Variants in PSAP observed in about 807,000 individuals in gnomAD.
The protein encoded by PSAP is prosaposin.
A neutral mutation model predicts 66.0 loss-of-function variants in PSAP; 25 were observed. The ratio of observed to expected loss-of-function variants is 0.38; its 90% CI spans 0.28 to 0.53. The LOEUF (loss-of-function observed/expected upper bound fraction) is 0.53. PSAP is among the 20% of genes least tolerant of loss of function. The pLI is 0.83. For synonymous variants in PSAP, 273 were observed against 258.9 expected (o/e 1.05, Z -0.52); for missense variants, 649 against 668.8 (o/e 0.97, Z 0.33).
Position 71,817,226 on chromosome 10 carries a change from C to G in PSAP, c.*215G>C. The G allele has an allele frequency of 1.5e-6, 1 of 658,884 alleles. No individual in the cohort carries two copies. Among genetic ancestry groups the G allele is most frequent in the Non-Finnish European group, 2.7e-6 (1 of 366,962 alleles). 40.8% of individuals were successfully genotyped at this position (658,884 alleles called of 1,614,324 possible). On this transcript the variant is annotated 3_prime_UTR_variant, in exon 14 of 14. Coordinates refer to ENST00000394936, the MANE Select transcript of PSAP (RefSeq NM_002778.4). ...CTCCAGTGCATCAACATCCATCTAG[C>G]AGAGAGAAAAGGGGCACTGAAGCAG...
chr10:71,843,655 T>A (rs1842770085), intron 1 of PSAP, among the ~76,000 whole-genome samples: 1 of 152,210 alleles, frequency 6.6e-6, no homozygotes, highest in Non-Finnish European at 1.5e-5. Flanking sequence ...TAGACGTCGA[T>A]GTCCATCAAT....
Position 71,821,939 on chromosome 10 carries a change from C to G in PSAP, c.846G>C (p.Leu282=). 6.2e-7 allele frequency: 1 copy of G among 1,614,204 alleles called. No individual in the cohort carries two copies. Among genetic ancestry groups the G allele is most frequent in the Non-Finnish European group, 8.5e-7 (1 of 1,180,040 alleles). ...DEVKEMPMQT[L]VPAKVASKNV... is the part of the protein sequence containing the mutation. Reference sequence around the variant, plus strand: ...TCTTGGAGGCCACTTTGGCGGGGACCAGAGTCTGCATGGGCATCTCTTTCA... The same window carrying G: ...TCTTGGAGGCCACTTTGGCGGGGACGAGAGTCTGCATGGGCATCTCTTTCA... Residue 282 remains leucine, a synonymous_variant, in exon 8 of 14, where the codon CTG becomes CTC. Transcript: ENST00000394936.
chr10:71,833,927 G>A (rs1842571212), intron 2 of PSAP, among the ~76,000 whole-genome samples: 1 of 152,232 alleles, frequency 6.6e-6, no homozygotes, highest in African/African-American at 2.4e-5. Context: ...ATATGAAACA[G>A]GCAGAAAGTA....
chr10:71,828,866 C>T lies in PSAP; in HGVS notation c.576+11G>A, dbSNP rs371681572. The T allele has an allele frequency of 2.7e-5, 44 of 1,613,742 alleles. 1 individual carries two copies. Among genetic ancestry groups the T allele is most frequent in the Middle Eastern group, 1.7e-4 (1 of 5,852 alleles). On this transcript the variant is annotated intron_variant, in intron 5 of 13. Transcript: ENST00000394936. ...AAAAATGGGTCCTCAGTGGCCAGCC[C>T]GTTGTCTTACCTTTGGCTGGGGCTT...
At chr10:71,834,610 G>A in intron 1 of PSAP, 105 bp from the exon 2 acceptor site, 2 of 1,430,404 alleles carry the variant, frequency 1.4e-6, no homozygotes, top group Non-Finnish European at 1.9e-6. Context: ...GCTGGACTCT[G>A]CTACTCAGCC....
intron 4 of PSAP, among the ~76,000 whole-genome samples, chr10:71,830,430 T>C (rs1223211538): frequency 2.6e-5 from 4 of 152,242 alleles, no homozygotes; most frequent in Non-Finnish European, 5.9e-5. Context: ...CTTCCCTCAA[T>C]GGGACCTAGA....
In PSAP at chr10:71,837,016, T is replaced by C. The variant is rs369345060; in HGVS notation, c.41-2511A>G. Among the ~76,000 whole-genome samples, 157 of 152,318 alleles carry C rather than the reference T, an allele frequency of 1.0e-3. 1 individual carries two copies. Among genetic ancestry groups the C allele is most frequent in the South Asian group, 9.7e-3 (47 of 4,830 alleles). On this transcript the variant is annotated intron_variant, in intron 1 of 13. Coordinates refer to ENST00000394936, the MANE Select transcript of PSAP (RefSeq NM_002778.4). ...ACTTCCCAATCCATGACCTACTGAATGGCAGCAGGCCTCTTCCTCAGATCT... is the reference window on the plus strand; with the variant it reads ...ACTTCCCAATCCATGACCTACTGAACGGCAGCAGGCCTCTTCCTCAGATCT...
intron 1 of PSAP, among the ~76,000 whole-genome samples, chr10:71,842,871 T>C (rs1047304055): frequency 6.6e-6 from 1 of 152,106 alleles, no homozygotes; most frequent in Non-Finnish European, 1.5e-5. Flanking sequence ...AAAGATAATA[T>C]TCTATCTAAT....
intron 4 of PSAP, 39 bp downstream of exon 4, chr10:71,831,087 G>A (rs1002504720): frequency 5.0e-6 from 8 of 1,612,422 alleles, no homozygotes; most frequent in Non-Finnish European, 6.8e-6. Flanking sequence ...CTGGGCCCCA[G>A]AAGCACCTTC....
Position 71,816,342 on chromosome 10 carries a change from C to G in PSAP, c.*1099G>C, listed in dbSNP as rs1842153215. ...TTGTTAAATCACAGAAACTTTAGTG[C>G]AAAACAAAAATCACGAAGTCCATTT... On this transcript the variant is annotated 3_prime_UTR_variant, in exon 14 of 14. Transcript: ENST00000394936. The G allele has an allele frequency of 2.2e-6, 1 of 463,548 alleles. No homozygotes were observed. Among genetic ancestry groups the G allele is most frequent in the Non-Finnish European group, 4.5e-6 (1 of 220,742 alleles). The allele number at this position is 463,548 out of a possible 1,614,324, so 28.7% of individuals were successfully genotyped here. A position where few individuals can be genotyped will look rare whatever the true frequency, so the allele number is the denominator to read the frequency against.
intron 1 of PSAP, among the ~76,000 whole-genome samples, chr10:71,837,664 G>A (rs1209399926): frequency 3.3e-5 from 5 of 152,256 alleles, no homozygotes; most frequent in African/African-American, 4.8e-5. Context: ...CAAAGAGCAG[G>A]AGGAACAGAC....
chr10:71,831,606 A>G (rs1842519262), intron 3 of PSAP, among the ~76,000 whole-genome samples: 1 of 152,218 alleles, frequency 6.6e-6, no homozygotes, highest in South Asian at 2.1e-4. Flanking sequence ...TTATTTCTGT[A>G]CAACCCAGAA....
chr10:71,838,296 T>C (rs1468441111), intron 1 of PSAP, among the ~76,000 whole-genome samples: 1 of 152,106 alleles, frequency 6.6e-6, no homozygotes, highest in African/African-American at 2.4e-5. Flanking sequence ...CAAGGGCCAA[T>C]AGCACCAGGA....
intron 3 of PSAP, among the ~76,000 whole-genome samples, chr10:71,831,528 C>T (rs973105273): frequency 2.6e-5 from 4 of 152,180 alleles, no homozygotes; most frequent in African/African-American, 9.7e-5. Context: ...GTATTAGTGG[C>T]ATGCAATACA....
intron 1 of PSAP, among the ~76,000 whole-genome samples, chr10:71,836,308 T>A (rs913473031): frequency 3.3e-5 from 5 of 152,088 alleles, no homozygotes; most frequent in African/African-American, 1.2e-4. Flanking sequence ...GCCCGCAGTG[T>A]AGCCAAGCAT....
intron 11 of PSAP, 41 bp downstream of exon 11, chr10:71,819,424 T>C: frequency 6.2e-7 from 1 of 1,611,796 alleles, no homozygotes. Flanking sequence ...CTTCATCAGG[T>C]TCTGCCATGC....
chr10:71,839,010 T>C (rs1371217209), intron 1 of PSAP, among the ~76,000 whole-genome samples: 1 of 152,182 alleles, frequency 6.6e-6, no homozygotes, highest in Non-Finnish European at 1.5e-5. Context: ...TCTCAAAACA[T>C]GTGGCCAGCA....
chr10:71,829,070 G>A lies in PSAP; in HGVS notation c.383C>T (p.Pro128Leu). The A allele has an allele frequency of 1.2e-6, 2 of 1,613,882 alleles. No homozygotes were observed. Among genetic ancestry groups the A allele is most frequent in the Non-Finnish European group, 1.7e-6 (2 of 1,179,906 alleles). Residue 128 changes from proline to leucine, a missense_variant, in exon 5 of 14, where the codon CCT (proline) becomes CTT (leucine). Pro to Leu is a moderately conservative substitution (Grantham distance 98, BLOSUM62 -3). Coordinates refer to ENST00000394936, the MANE Select transcript of PSAP (RefSeq NM_002778.4). Reference sequence around the variant, plus strand: ...GTTGAGAGCAGAGCACACCTCCCCAGGACGGCTCTGGTGGGATGGAAAGAA... The same window carrying A: ...GTTGAGAGCAGAGCACACCTCCCCAAGACGGCTCTGGTGGGATGGAAAGAA... ...LDIIKGEMSR[P>L]GEVCSALNLC...
In PSAP at chr10:71,816,557, C is replaced by A; in HGVS notation, c.*884G>T. 1 of 441,930 alleles carries A rather than the reference C, an allele frequency of 2.3e-6. No individual in the cohort carries two copies. The highest frequency in any genetic ancestry group is 1.6e-5 in the South Asian group (1 of 63,536). 27.4% of individuals were successfully genotyped at this position (441,930 alleles called of 1,614,324 possible). On this transcript the variant is annotated 3_prime_UTR_variant, in exon 14 of 14. Transcript: ENST00000394936. ...GCCAGAGGCCTAGGAGCTCGCCATC[C>A]ATATTTATTTGAAAAGGTCAAAAGG... is the stretch of plus-strand genomic sequence containing the variant.
Sources: allele counts gnomAD v4.1 joint callset (sites outside exome capture counted in the v4.1 genomes callset), GRCh38; gene constraint gnomAD v4.1.1; transcripts MANE v1.5; gene names NCBI Gene and HGNC (gene_info 2026-07-23, HGNC 2026-07-21).